Variants in TBC1D2B observed in about 807,000 individuals in gnomAD.
TBC1D2B encodes the protein TBC1 domain family member 2B, also known as TBC1 domain family, member 2B.
A neutral mutation model predicts 100.8 loss-of-function variants in TBC1D2B; 64 were observed. The ratio of observed to expected loss-of-function variants is 0.64; its 90% CI spans 0.52 to 0.78. The LOEUF (loss-of-function observed/expected upper bound fraction) is 0.78. Ranked by LOEUF, TBC1D2B falls within the 30% of genes least tolerant of loss-of-function variation. The probability of loss-of-function intolerance (pLI) is 0.00; values close to 1 mark genes in which losing one functional copy is unlikely to be tolerated. For synonymous variants in TBC1D2B, 480 were observed against 479.7 expected (o/e 1.00, Z -0.01); for missense variants, 1,052 against 1,218.4 (o/e 0.86, Z 2.03).
At chr15:78,010,634 A>G (rs549444765) in intron 9 of TBC1D2B, among the ~76,000 whole-genome samples, 2 of 152,158 alleles carry the variant, frequency 1.3e-5, no homozygotes, top group South Asian at 4.2e-4. Flanking sequence ...ATTGAGAGAC[A>G]GGACTCGATG....
At chr15:78,069,830 G>A (rs1228738632) in intron 1 of TBC1D2B, among the ~76,000 whole-genome samples, 1 of 152,122 alleles carries the variant, frequency 6.6e-6, no homozygotes, top group African/African-American at 2.4e-5. Context: ...CCACTAGAAG[G>A]CACCACCTCT....
At chr15:78,065,920 A>G (rs2073646799) in intron 1 of TBC1D2B, 3 of 435,458 alleles carry the variant, frequency 6.9e-6, no homozygotes, top group Non-Finnish European at 1.5e-5. Context: ...GATTTCTAAC[A>G]GTGTTTTAAG....
rs369704674 is a variant in TBC1D2B, at chr15:78,024,237, G to C, written c.1389C>G (p.Asn463Lys). 1 of 1,613,888 alleles carries C rather than the reference G, an allele frequency of 6.2e-7. No individual in the cohort carries two copies. Among genetic ancestry groups the C allele is most frequent in the South Asian group, 1.1e-5 (1 of 91,082 alleles). The change falls in exon 6 of 13, where the codon AAC becomes AAG. Residue 463 changes from asparagine to lysine, a missense_variant. This residue lies in a region of TBC1D2B where 627 missense variants were observed against 646.1 expected (regional missense o/e 0.97). Coordinates refer to ENST00000300584, the MANE Select transcript of TBC1D2B (RefSeq NM_144572.2). Reference protein sequence around the residue: ...VIIKLSEGEGNGPPPTVAPSS... With the variant: ...VIIKLSEGEGKGPPPTVAPSS... ...TGGGCGCCACGGTGGGAGGAGGCCC[G>C]TTGCCCTCGCCCTCGCTGAGCTTGA...
At chr15:77,998,627 ATCT>A in intron 12 of TBC1D2B, 1 of 409,946 alleles carries the variant, frequency 2.4e-6, no homozygotes, top group Non-Finnish European at 4.4e-6. Context: ...CTGGCCTCTG[ATCT>A]TCATCTGCAC....
intron 7 of TBC1D2B, 96 bp downstream of exon 7, chr15:78,017,751 C>T: frequency 1.4e-6 from 1 of 701,156 alleles, no homozygotes; most frequent in South Asian, 2.0e-5. Context: ...TCTCTCCAAG[C>T]CTGGGAGTTG....
chr15:78,077,493 G>A lies in TBC1D2B; in HGVS notation c.160C>T (p.Arg54Cys). 1 of 1,533,234 alleles carries A rather than the reference G, an allele frequency of 6.5e-7. No homozygotes were observed. The highest frequency in any genetic ancestry group is 8.8e-7 in the Non-Finnish European group (1 of 1,140,010). 95.0% of individuals were successfully genotyped at this position (1,533,234 alleles called of 1,614,324 possible). The change falls in exon 1 of 13, where the codon CGC becomes TGC. Residue 54 changes from arginine (R) to cysteine (C), a missense_variant. Transcript: ENST00000300584. The part of the protein sequence containing the change: ...LSGKGPLRGY[R>C]SRWFVFDARR... ...GCGTCGAACACGAACCAGCGGCTGC[G>A]GTAGCCACGCAGGGGGCCCTTGCCC...
At chr15:78,004,907 T>C (rs2072026101) in intron 10 of TBC1D2B, among the ~76,000 whole-genome samples, 1 of 152,214 alleles carries the variant, frequency 6.6e-6, no homozygotes. Flanking sequence ...ACCCACGTTG[T>C]TCAAGGGTTA....
rs949476508 is a variant in TBC1D2B, at chr15:77,995,453, C to T, written c.*2707G>A. On this transcript the variant is annotated 3_prime_UTR_variant, in exon 13 of 13. Coordinates refer to ENST00000300584, the MANE Select transcript of TBC1D2B (RefSeq NM_144572.2). ...TAAGAAGTGGGCCTGCACATCACAT[C>T]GGTGAGTCAGTGAGAGTCAGGGCCA... is the stretch of plus-strand genomic sequence containing the variant. The T allele has an allele frequency of 5.9e-5, 9 of 152,294 alleles. No individual in the cohort carries two copies. Among genetic ancestry groups the T allele is most frequent in the African/African-American group, 1.7e-4 (7 of 41,420 alleles). The allele number at this position is 152,294 out of a possible 1,614,324, so 9.4% of individuals were successfully genotyped here.
intron 9 of TBC1D2B, among the ~76,000 whole-genome samples, chr15:78,011,711 C>G (rs528014453): frequency 6.8e-6 from 1 of 147,028 alleles, no homozygotes; most frequent in Non-Finnish European, 1.5e-5. Context: ...TGCAGTGGTG[C>G]AATGCTGGCT....
chr15:78,030,275 A>C, intron 3 of TBC1D2B, 105 bp from the exon 4 acceptor site: 2 of 970,936 alleles, frequency 2.1e-6, no homozygotes, highest in East Asian at 2.8e-5. Context: ...ATGATACCAA[A>C]TGTTGGTGAG....
At chr15:78,017,340 G>A (rs1203736104) in intron 7 of TBC1D2B, 2 of 153,538 alleles carry the variant, frequency 1.3e-5, no homozygotes, top group Non-Finnish European at 2.9e-5. Flanking sequence ...GCCCCTTCCA[G>A]CCATAATCAT....
At chr15:78,067,682 G>C (rs2073681017) in intron 1 of TBC1D2B, among the ~76,000 whole-genome samples, 1 of 152,226 alleles carries the variant, frequency 6.6e-6, no homozygotes, top group Non-Finnish European at 1.5e-5. Context: ...GCCTAGGAAA[G>C]GGGCAGAAAG....
At position 78,036,645 on chromosome 15, in the gene TBC1D2B, A is replaced by T. The variant is rs555002896; in HGVS notation, c.684-6475T>A. ...CTGCCCTGGAGCCTCTGAAGAAAGC[A>T]GTCCTGCCAACACCTTAACTTAGGC... is the stretch of plus-strand genomic sequence containing the variant. On this transcript the variant is annotated intron_variant, in intron 3 of 12. Coordinates refer to ENST00000300584, the MANE Select transcript of TBC1D2B (RefSeq NM_144572.2). Among the ~76,000 whole-genome samples the T allele has an allele frequency of 2.0e-5, 3 of 152,320 alleles. No individual in the cohort carries two copies. The South Asian group carries it at 6.2e-4, about 32-fold the overall frequency.
chr15:78,029,128 C>T (rs1233599026), intron 4 of TBC1D2B, among the ~76,000 whole-genome samples: 21 of 151,760 alleles, frequency 1.4e-4, no homozygotes, highest in Non-Finnish European at 1.3e-4. Context: ...GCGATCTCCA[C>T]TCACTGCAAG....
intron 1 of TBC1D2B, among the ~76,000 whole-genome samples, chr15:78,064,012 GC>G (rs1186297508): frequency 6.6e-6 from 1 of 152,032 alleles, no homozygotes; most frequent in Non-Finnish European, 1.5e-5. Flanking sequence ...CATATATGTC[GC>G]ATGCTTAAAA....
intron 9 of TBC1D2B, among the ~76,000 whole-genome samples, chr15:78,012,002 C>T (rs1020702701): frequency 1.3e-5 from 2 of 151,508 alleles, no homozygotes; most frequent in Non-Finnish European, 2.9e-5. Context: ...TTCAAACTCC[C>T]GGGCTCAAGC....
rs1240275742 is a variant in TBC1D2B, at chr15:78,077,482, C to T, written c.171G>A (p.Trp57Ter). 1 of 1,534,322 alleles carries T rather than the reference C, an allele frequency of 6.5e-7. No individual in the cohort carries two copies. Among genetic ancestry groups the T allele is most frequent in the Non-Finnish European group, 8.8e-7 (1 of 1,140,498 alleles). The change falls in exon 1 of 13, where the codon TGG (tryptophan) becomes TGA (stop). Residue 57 changes from tryptophan to a stop codon, truncating the protein, a stop_gained. Transcript: ENST00000300584. LOFTEE classifies it high-confidence loss of function. ...KGPLRGYRSR[W>*]FVFDARRCYL... ...AGCAGCGGCGCGCGTCGAACACGAA[C>T]CAGCGGCTGCGGTAGCCACGCAGGG...
At chr15:78,060,229 T>C (rs1422706399) in intron 1 of TBC1D2B, among the ~76,000 whole-genome samples, 1 of 152,224 alleles carries the variant, frequency 6.6e-6, no homozygotes, top group Non-Finnish European at 1.5e-5. Context: ...GAGATCTGGT[T>C]AATTCCTACC....
chr15:78,057,932 G>A (rs1004446338), intron 1 of TBC1D2B, among the ~76,000 whole-genome samples: 4 of 152,142 alleles, frequency 2.6e-5, no homozygotes, highest in Non-Finnish European at 5.9e-5. Flanking sequence ...ATGGAGATTC[G>A]GCTCAGGCCT....
Sources: allele counts gnomAD v4.1 joint callset (sites outside exome capture counted in the v4.1 genomes callset), GRCh38; gene constraint gnomAD v4.1.1; regional missense constraint gnomAD v4.1.1; transcripts MANE v1.5; gene names NCBI Gene and HGNC (gene_info 2026-07-23, HGNC 2026-07-21).